Variants in NRF1 observed in about 807,000 individuals in gnomAD.
The protein encoded by NRF1 is alpha palindromic-binding protein.
NRF1 carries 5 observed loss-of-function variants against 58.5 expected under a neutral mutation model. The observed-to-expected ratio is 0.09, with a 90% CI of 0.04 to 0.18. NRF1 has a LOEUF of 0.18. NRF1 is among the 10% of genes least tolerant of loss of function. The probability of loss-of-function intolerance (pLI) is 1.00; values close to 1 mark genes in which losing one functional copy is unlikely to be tolerated. For missense variants in NRF1, 288 were observed against 657.7 expected (o/e 0.44, Z 6.15); for synonymous variants, 224 against 246.7 (o/e 0.91, Z 0.86).
Position 129,746,620 on chromosome 7 carries a change from T to C in NRF1, c.1349-8398T>C, listed in dbSNP as rs574799168. Among the ~76,000 whole-genome samples the C allele has an allele frequency of 4.5e-4, 69 of 152,308 alleles. No homozygotes were observed. The South Asian group carries it at 0.014, about 31-fold the overall frequency. ...AACACCTATAGATACCGTTGCTGGC[T>C]CCTTAAAAACTCAAGCAATATAATC... is the stretch of plus-strand genomic sequence containing the variant. On this transcript the variant is annotated intron_variant, in intron 10 of 10. Coordinates refer to ENST00000393232, the MANE Select transcript of NRF1 (RefSeq NM_005011.5).
At chr7:129,735,269 C>T (rs1237305789) in intron 10 of NRF1, 26 of 983,038 alleles carry the variant, frequency 2.6e-5, no homozygotes, top group Non-Finnish European at 2.9e-5. Context: ...CGGTGGCTCA[C>T]GCCTGTAATC....
chr7:129,751,780 G>C (rs1804122127), intron 10 of NRF1, among the ~76,000 whole-genome samples: 2 of 152,232 alleles, frequency 1.3e-5, no homozygotes, highest in Non-Finnish European at 2.9e-5. Context: ...GCCAGTATGT[G>C]GGTTCCCTGG....
intron 9 of NRF1, among the ~76,000 whole-genome samples, chr7:129,726,193 G>T (rs1019833222): frequency 2.6e-5 from 4 of 152,140 alleles, no homozygotes; most frequent in Non-Finnish European, 5.9e-5. Context: ...ACTGGAATTC[G>T]ATAGTCCCTC....
chr7:129,746,236 A>G (rs1457586285), intron 10 of NRF1, among the ~76,000 whole-genome samples: 5 of 152,220 alleles, frequency 3.3e-5, no homozygotes, highest in South Asian at 2.1e-4. Context: ...CAGAAACAGA[A>G]CCACTGGGAA....
At chr7:129,719,082 C>T (rs551049506) in intron 9 of NRF1, among the ~76,000 whole-genome samples, 25 of 151,420 alleles carry the variant, frequency 1.7e-4, no homozygotes, top group African/African-American at 3.9e-4. Flanking sequence ...ACTCCAGGAG[C>T]GCCTTGTTAA....
chr7:129,625,377 C>T (rs1800890172), intron 1 of NRF1, among the ~76,000 whole-genome samples: 1 of 152,344 alleles, frequency 6.6e-6, no homozygotes, highest in South Asian at 2.1e-4. Flanking sequence ...GAGCCACAGT[C>T]CAACCCACTA....
chr7:129,690,310 T>C, intron 4 of NRF1, 96 bp from the exon 5 acceptor site: 1 of 1,313,024 alleles, frequency 7.6e-7, no homozygotes, highest in Non-Finnish European at 1.1e-6. Flanking sequence ...ATGCAATGGC[T>C]CAGGAAGGCC....
chr7:129,646,503 G>C (rs1801407960), intron 1 of NRF1, among the ~76,000 whole-genome samples: 1 of 152,128 alleles, frequency 6.6e-6, no homozygotes. Flanking sequence ...CCTAGGTTTG[G>C]GGGAACAGAA....
intron 5 of NRF1, among the ~76,000 whole-genome samples, chr7:129,708,212 T>C (rs1802995210): frequency 1.3e-5 from 2 of 152,178 alleles, no homozygotes; most frequent in South Asian, 4.1e-4. Flanking sequence ...AGATCATAAA[T>C]TGATAAACTG....
At chr7:129,697,291 C>G (rs1802721188) in intron 5 of NRF1, among the ~76,000 whole-genome samples, 1 of 151,644 alleles carries the variant, frequency 6.6e-6, no homozygotes, top group Non-Finnish European at 1.5e-5. Context: ...CGCATGTAAT[C>G]CCAGCACTTT....
chr7:129,695,575 C>CAA lies in NRF1; in HGVS notation c.606+5041_606+5042dup, dbSNP rs11398545. Among the ~76,000 whole-genome samples the CAA allele has an allele frequency of 1.4e-3, 172 of 123,900 alleles. 1 individual carries two copies. The highest frequency in any genetic ancestry group is 0.013 in the Middle Eastern group (3 of 238). 81.3% of individuals were successfully genotyped at this position (123,900 alleles called of 152,430 possible). On this transcript the variant is annotated intron_variant, in intron 5 of 10. Transcript: ENST00000393232. ...TGGGTGACAGAGCAAGACTCGATCT[C>CAA]AAAAAAAAAAAAACAAAAAAAACTG...
At chr7:129,675,115 T>C (rs568273654) in intron 3 of NRF1, among the ~76,000 whole-genome samples, 1 of 152,324 alleles carries the variant, frequency 6.6e-6, no homozygotes, top group South Asian at 2.1e-4. Flanking sequence ...CAGGAGTGGA[T>C]TTCATCTCAG....
chr7:129,693,204 C>T (rs1400837798), intron 5 of NRF1, among the ~76,000 whole-genome samples: 1 of 152,200 alleles, frequency 6.6e-6, no homozygotes, highest in African/African-American at 2.4e-5. Context: ...GGAACAGGAT[C>T]GCAAGTCCCC....
chr7:129,722,405 A>AG (rs1281149635), intron 9 of NRF1, among the ~76,000 whole-genome samples: 2 of 152,080 alleles, frequency 1.3e-5, no homozygotes, highest in African/African-American at 4.8e-5. Flanking sequence ...AAAAAAAAAA[A>AG]AAAATCTTTC....
intron 1 of NRF1, among the ~76,000 whole-genome samples, chr7:129,619,635 T>C (rs990622529): frequency 6.7e-6 from 1 of 149,730 alleles, no homozygotes; most frequent in Non-Finnish European, 1.5e-5. Context: ...AAATAGGTCC[T>C]GTTCTTCCAT....
At chr7:129,671,011 CAG>C (rs141717848) in intron 2 of NRF1, among the ~76,000 whole-genome samples, 2,344 of 152,242 alleles carry the variant, frequency 0.015, 54 homozygotes, top group African/African-American at 0.053. Flanking sequence ...GTAATGGAAA[CAG>C]GGGTACAGGG....
Position 129,644,025 on chromosome 7 carries a change from C to T in NRF1, c.-6-13321C>T, listed in dbSNP as rs578056890. ...CCCTTTTTTTCATTCTGGAGCCTGA[C>T]GAGCTTCTGACTGTAGACTCTGTCA... On this transcript the variant is annotated intron_variant, in intron 1 of 10. Coordinates refer to ENST00000393232, the MANE Select transcript of NRF1 (RefSeq NM_005011.5). 5.3e-5 allele frequency among the ~76,000 whole-genome samples: 8 copies of T among 152,246 alleles called. No individual in the cohort carries two copies. In the South Asian group the frequency reaches 1.2e-3, roughly 24 times the overall value.
chr7:129,659,133 C>T (rs1317257792), intron 2 of NRF1, among the ~76,000 whole-genome samples: 1 of 128,586 alleles, frequency 7.8e-6, no homozygotes, highest in Non-Finnish European at 1.5e-5. Flanking sequence ...GGCTGGAGTG[C>T]AGTGGCACAA....
At chr7:129,646,998 T>C (rs1451514621) in intron 1 of NRF1, among the ~76,000 whole-genome samples, 1 of 152,232 alleles carries the variant, frequency 6.6e-6, no homozygotes, top group Non-Finnish European at 1.5e-5. Flanking sequence ...AGAGACTTTA[T>C]GGACCCGAGC....
Sources: gnomAD v4.1 joint callset for allele counts (sites outside exome capture counted in the v4.1 genomes callset) on GRCh38, gnomAD v4.1.1 for gene constraint, MANE v1.5 for transcripts, NCBI Gene and HGNC (gene_info 2026-07-23, HGNC 2026-07-21) for gene names.